The following BICC1 variants were observed in gnomAD, a reference collection of about 807,000 sequenced individuals.
BICC1 encodes protein bicaudal C homolog 1.
BICC1 carries 43 observed loss-of-function variants against 111.0 expected under a neutral mutation model. That is an observed-to-expected ratio of 0.39 (90% CI 0.30 to 0.50). BICC1 has a LOEUF of 0.50. BICC1 is among the 20% of genes least tolerant of loss of function. The pLI is 0.88. For synonymous variants in BICC1, 467 were observed against 434.4 expected (o/e 1.07, Z -0.93); for missense variants, 1,091 against 1,203.2 (o/e 0.91, Z 1.38).
intron 2 of BICC1, among the ~76,000 whole-genome samples, chr10:58,662,365 A>G (rs897501123): frequency 6.6e-6 from 1 of 152,206 alleles, no homozygotes; most frequent in Non-Finnish European, 1.5e-5. Flanking sequence ...ATCCTTTTAA[A>G]CAAGGGTTTT....
chr10:58,738,314 C>T (rs1455530100), intron 3 of BICC1, among the ~76,000 whole-genome samples: 1 of 143,700 alleles, frequency 7.0e-6, no homozygotes, highest in Non-Finnish European at 1.5e-5. Context: ...TAAGGCTAGC[C>T]AGTTTTCCCA....
Position 58,789,847 on chromosome 10 carries a change from C to A in BICC1, c.961C>A (p.Pro321Thr). 6.2e-7 allele frequency: 1 copy of A among 1,614,158 alleles called. No individual in the cohort carries two copies. The highest frequency in any genetic ancestry group is 8.5e-7 in the Non-Finnish European group (1 of 1,180,016). ...MQRTGAQIHFPDPSNPQKKST... is the reference protein window; with the variant it reads ...MQRTGAQIHFTDPSNPQKKST... ...GAGAACAGGTGCTCAGATCCACTTTCCTGATCCCAGTAATCCACAAAAGAA... is the reference window on the plus strand; with the variant it reads ...GAGAACAGGTGCTCAGATCCACTTTACTGATCCCAGTAATCCACAAAAGAA... Residue 321 changes from proline (P) to threonine (T), a missense_variant, in exon 8 of 21, where the codon CCT (proline) becomes ACT (threonine). By Grantham distance (38) the Pro-to-Thr change is conservative. Around this residue, in one of 3 missense-constraint regions of BICC1, gnomAD observed 843 missense variants for 900.8 expected, o/e 0.94. Transcript: ENST00000373886.
At chr10:58,641,448 G>T (rs1838119748) in intron 2 of BICC1, among the ~76,000 whole-genome samples, 1 of 151,738 alleles carries the variant, frequency 6.6e-6, no homozygotes, top group Non-Finnish European at 1.5e-5. Context: ...CGCCATCTAG[G>T]TTGACTTCTT....
In BICC1 at chr10:58,570,801, C is replaced by A. The variant is rs141166011; in HGVS notation, c.191-50054C>A. 1.6e-4 allele frequency among the ~76,000 whole-genome samples: 24 copies of A among 152,204 alleles called. No homozygotes were observed. In the East Asian group the frequency reaches 4.6e-3, roughly 29 times the overall value. On this transcript the variant is annotated intron_variant, in intron 1 of 20. Coordinates refer to ENST00000373886, the MANE Select transcript of BICC1 (RefSeq NM_001080512.3). The stretch of plus-strand genomic sequence containing the variant: ...TTTCCGAGACCTGAACCCGTATAAC[C>A]TGGAATCACTAAGCCAACTGCTAAT...
intron 1 of BICC1, among the ~76,000 whole-genome samples, chr10:58,538,063 T>A (rs1842866842): frequency 1.3e-5 from 2 of 151,926 alleles, no homozygotes; most frequent in Admixed American, 1.3e-4. Flanking sequence ...ATTTACAGAT[T>A]CAATGTAATT....
intron 2 of BICC1, among the ~76,000 whole-genome samples, chr10:58,627,165 A>G (rs1384942691): frequency 6.6e-6 from 1 of 152,246 alleles, no homozygotes; most frequent in Non-Finnish European, 1.5e-5. Flanking sequence ...AGTTTGTTCA[A>G]TTGAATAATC....
chr10:58,584,963 A>G (rs1037158945), intron 1 of BICC1, among the ~76,000 whole-genome samples: 2 of 152,216 alleles, frequency 1.3e-5, no homozygotes, highest in Non-Finnish European at 2.9e-5. Context: ...AATTTAGCAT[A>G]AATAAAATTA....
chr10:58,715,895 C>G, intron 3 of BICC1: 1 of 1,234,660 alleles, frequency 8.1e-7, no homozygotes, highest in Non-Finnish European at 1.2e-6. Context: ...TCTGATTCTT[C>G]CAGCAATTCT....
chr10:58,532,258 T>A (rs1406791240), intron 1 of BICC1, among the ~76,000 whole-genome samples: 1 of 151,554 alleles, frequency 6.6e-6, no homozygotes. Flanking sequence ...GGAATGAGAT[T>A]ATATGAGGGA....
At chr10:58,798,354 A>C (rs541388653) in intron 10 of BICC1, 45 bp from the exon 11 acceptor site, 98 of 1,437,546 alleles carry the variant, frequency 6.8e-5, no homozygotes, top group Non-Finnish European at 8.7e-5. Flanking sequence ...CTATTTTAAA[A>C]TCTTAAATTT....
At chr10:58,583,604 G>C (rs1357577840) in intron 1 of BICC1, among the ~76,000 whole-genome samples, 56 of 151,796 alleles carry the variant, frequency 3.7e-4, no homozygotes, top group African/African-American at 7.7e-4. Flanking sequence ...GTGTGTGTGT[G>C]TGTGTGTGTG....
chr10:58,817,055 C>G (rs1210573813), intron 18 of BICC1, among the ~76,000 whole-genome samples: 1 of 151,846 alleles, frequency 6.6e-6, no homozygotes, highest in Non-Finnish European at 1.5e-5. Flanking sequence ...ACCTTGCTAC[C>G]CAGTTATATT....
At chr10:58,800,817 C>T in intron 13 of BICC1, 73 bp from the exon 14 acceptor site, 1 of 1,422,840 alleles carries the variant, frequency 7.0e-7, no homozygotes, top group Non-Finnish European at 9.5e-7. Context: ...TGATTTGTTT[C>T]CATTGCAGAT....
intron 1 of BICC1, among the ~76,000 whole-genome samples, chr10:58,536,953 G>C (rs1293660284): frequency 1.3e-5 from 2 of 151,928 alleles, no homozygotes; most frequent in Middle Eastern, 3.4e-3. Context: ...AAATCTAGCG[G>C]AAATGGATAA....
intron 20 of BICC1, among the ~76,000 whole-genome samples, chr10:58,821,480 G>A (rs186469599): frequency 3.1e-3 from 466 of 152,132 alleles, no homozygotes; most frequent in Middle Eastern, 0.014. Context: ...TTATTTTAGC[G>A]GCATGTTGAA....
intron 2 of BICC1, among the ~76,000 whole-genome samples, chr10:58,629,224 G>T (rs1837721490): frequency 6.6e-6 from 1 of 152,132 alleles, no homozygotes; most frequent in South Asian, 2.1e-4. Context: ...GATTTAAAAT[G>T]ACTTCACAGA....
At chr10:58,715,997 A>C in intron 3 of BICC1, 1 of 1,408,776 alleles carries the variant, frequency 7.1e-7, no homozygotes, top group Admixed American at 2.0e-5. Context: ...TCCATGTCAG[A>C]AACTGAATCA....
rs779127223 is a variant in BICC1, at chr10:58,799,163, C to A, written c.1636C>A (p.Pro546Thr). Reference protein sequence around the residue: ...PTYGHTAPSPPPGLTPVDVHI... With the variant: ...PTYGHTAPSPTPGLTPVDVHI... ...CTATGGGCACACAGCTCCATCTCCC[C>A]CTCCTGGCTTGACTCCTGTTGATGT... Residue 546 changes from proline to threonine, a missense_variant, in exon 12 of 21, where the codon CCT becomes ACT. Physicochemically the swap from Pro to Thr is conservative, Grantham distance 38. This residue lies in a region of BICC1 where 843 missense variants were observed against 900.8 expected (regional missense o/e 0.94). Coordinates refer to ENST00000373886, the MANE Select transcript of BICC1 (RefSeq NM_001080512.3). 13 of 1,613,932 alleles carry A rather than the reference C, an allele frequency of 8.1e-6. No homozygotes were observed. The highest frequency in any genetic ancestry group is 1.0e-5 in the Non-Finnish European group (12 of 1,179,932).
At chr10:58,640,026 C>T (rs1017192541) in intron 2 of BICC1, among the ~76,000 whole-genome samples, 2 of 152,150 alleles carry the variant, frequency 1.3e-5, no homozygotes, top group South Asian at 4.1e-4. Context: ...TTCCCTGAGC[C>T]TCATCCCTAA....
Sources: gnomAD v4.1 joint callset for allele counts (sites outside exome capture counted in the v4.1 genomes callset) on GRCh38, gnomAD v4.1.1 for gene constraint, gnomAD v4.1.1 regional missense constraint, MANE v1.5 for transcripts, NCBI Gene and HGNC (gene_info 2026-07-23, HGNC 2026-07-21) for gene names.